The following MAGI2 variants were observed in gnomAD, a reference collection of about 807,000 sequenced individuals.
The protein encoded by MAGI2 is membrane-associated guanylate kinase, WW and PDZ domain-containing protein 2.
In MAGI2, 35 loss-of-function variants were observed where a neutral mutation model predicts 133.3. That is an observed-to-expected ratio of 0.26 (90% CI 0.20 to 0.35). The LOEUF (loss-of-function observed/expected upper bound fraction) is 0.35. MAGI2 is among the 10% of genes least tolerant of loss of function. The pLI, the probability that MAGI2 is intolerant of heterozygous loss-of-function variation, is 1.00. For missense variants in MAGI2, 1,636 were observed against 1,863.4 expected (o/e 0.88, Z 2.25); for synonymous variants, 729 against 710.6 (o/e 1.03, Z -0.41).
At chr7:79,186,696 T>C (rs1161793966) in intron 1 of MAGI2, among the ~76,000 whole-genome samples, 1 of 146,588 alleles carries the variant, frequency 6.8e-6, no homozygotes, top group Admixed American at 6.9e-5. Flanking sequence ...TATATATATT[T>C]ATACAAAAGT....
At chr7:78,711,262 T>C (rs950722670) in intron 2 of MAGI2, among the ~76,000 whole-genome samples, 1 of 152,138 alleles carries the variant, frequency 6.6e-6, no homozygotes, top group Non-Finnish European at 1.5e-5. Context: ...GGTCTCAGAC[T>C]AAAGAGGTGT....
intron 2 of MAGI2, among the ~76,000 whole-genome samples, chr7:78,927,127 T>C: frequency 6.6e-6 from 1 of 152,128 alleles, no homozygotes; most frequent in East Asian, 1.9e-4. Context: ...AGAAGCACAC[T>C]AAAGTGATGA....
At chr7:78,807,813 T>C (rs1031186340) in intron 2 of MAGI2, among the ~76,000 whole-genome samples, 1 of 151,936 alleles carries the variant, frequency 6.6e-6, no homozygotes, top group African/African-American at 2.4e-5. Flanking sequence ...CTAACCTTAT[T>C]GGATACCGTG....
intron 1 of MAGI2, among the ~76,000 whole-genome samples, chr7:79,321,958 G>T (rs984935642): frequency 6.6e-6 from 1 of 152,154 alleles, no homozygotes; most frequent in African/African-American, 2.4e-5. Context: ...GCAAGTCCTT[G>T]ATCAGAGAGC....
intron 16 of MAGI2, among the ~76,000 whole-genome samples, chr7:78,158,857 A>G (rs1185728270): frequency 6.6e-6 from 1 of 152,114 alleles, no homozygotes; most frequent in African/African-American, 2.4e-5. Context: ...GCTCCTGGGG[A>G]TAACATCACT....
intron 1 of MAGI2, among the ~76,000 whole-genome samples, chr7:79,028,748 G>A (rs781501933): frequency 2.6e-5 from 4 of 151,968 alleles, no homozygotes; most frequent in African/African-American, 4.8e-5. Context: ...ATATTTGCTC[G>A]GTGCTACTTT....
intron 2 of MAGI2, among the ~76,000 whole-genome samples, chr7:78,697,380 G>A (rs1418575028): frequency 6.6e-6 from 1 of 152,160 alleles, no homozygotes; most frequent in Admixed American, 6.5e-5. Flanking sequence ...TATGAAATAA[G>A]TTTTAAATAC....
chr7:79,416,607 A>T (rs1372535386), intron 1 of MAGI2, among the ~76,000 whole-genome samples: 1 of 152,068 alleles, frequency 6.6e-6, no homozygotes, highest in African/African-American at 2.4e-5. Context: ...TACTCTAGAG[A>T]TCAGAGAAAA....
chr7:78,355,313 G>T (rs1791957276), intron 7 of MAGI2, among the ~76,000 whole-genome samples: 1 of 152,150 alleles, frequency 6.6e-6, no homozygotes. Context: ...TTCCATTTGT[G>T]CACTTTTAAA....
chr7:78,539,469 A>AGTTTTTTT (rs973242908), intron 3 of MAGI2, among the ~76,000 whole-genome samples: 1 of 141,018 alleles, frequency 7.1e-6, no homozygotes, highest in African/African-American at 2.5e-5. Flanking sequence ...ATTGGTCTGT[A>AGTTTTTTT]GTTTTTTTGT....
intron 9 of MAGI2, among the ~76,000 whole-genome samples, chr7:78,283,230 G>A (rs1026111356): frequency 2.6e-5 from 4 of 152,070 alleles, no homozygotes; most frequent in South Asian, 2.1e-4. Flanking sequence ...CTGAAATTAC[G>A]TATCTCAAGA....
At chr7:78,301,988 C>G (rs563334727) in intron 9 of MAGI2, among the ~76,000 whole-genome samples, 1 of 152,140 alleles carries the variant, frequency 6.6e-6, no homozygotes, top group Non-Finnish European at 1.5e-5. Flanking sequence ...ATCTAATGCA[C>G]GTAGAGCCCT....
At chr7:78,732,976 T>A (rs1563426266) in intron 2 of MAGI2, among the ~76,000 whole-genome samples, 2 of 152,146 alleles carry the variant, frequency 1.3e-5, no homozygotes, top group Admixed American at 6.6e-5. Context: ...GGAATCAGAC[T>A]TTCTCTTTGA....
chr7:78,679,446 G>C (rs1172514029), intron 2 of MAGI2, among the ~76,000 whole-genome samples: 2 of 152,128 alleles, frequency 1.3e-5, no homozygotes, highest in Non-Finnish European at 2.9e-5. Context: ...AAATGAATCA[G>C]TGATTCAAAC....
intron 2 of MAGI2, among the ~76,000 whole-genome samples, chr7:78,947,182 A>C (rs191437890): frequency 5.4e-4 from 82 of 152,218 alleles, no homozygotes; most frequent in African/African-American, 1.9e-3. Context: ...AACCAAAACA[A>C]ACAAACTTAA....
At chr7:78,065,717 TA>T in intron 21 of MAGI2, 1 of 583,056 alleles carries the variant, frequency 1.7e-6, no homozygotes, top group Non-Finnish European at 3.0e-6. Context: ...ACAGAACCAG[TA>T]ACAAAGATAT....
intron 1 of MAGI2, among the ~76,000 whole-genome samples, chr7:79,052,054 C>T (rs1353621906): frequency 6.6e-6 from 1 of 152,026 alleles, no homozygotes; most frequent in African/African-American, 2.4e-5. Flanking sequence ...CTCCCAATAG[C>T]ACACCCTCTC....
intron 6 of MAGI2, among the ~76,000 whole-genome samples, chr7:78,403,375 A>G (rs10245878): frequency 0.29 from 43,892 of 152,114 alleles, 7,457 homozygotes; most frequent in East Asian, 0.64. Context: ...TATATGTGCC[A>G]CATTTTCCTA....
intron 9 of MAGI2, among the ~76,000 whole-genome samples, chr7:78,314,756 T>C (rs767220304): frequency 1.3e-5 from 2 of 152,184 alleles, no homozygotes; most frequent in Non-Finnish European, 2.9e-5. Context: ...AAACATTATA[T>C]GTTGTTGTTA....
Sources: gnomAD v4.1 joint callset for allele counts (sites outside exome capture counted in the v4.1 genomes callset) on GRCh38, gnomAD v4.1.1 for gene constraint, MANE v1.5 for transcripts, NCBI Gene and HGNC (gene_info 2026-07-23, HGNC 2026-07-21) for gene names.